Variants in CALCR observed in about 807,000 individuals in gnomAD.
CALCR encodes the protein calcitonin receptor.
In CALCR, 47 loss-of-function variants were observed where a neutral mutation model predicts 59.5. The observed-to-expected ratio is 0.79, with a 90% CI of 0.63 to 1.01. CALCR has a LOEUF of 1.01. CALCR is among the 50% of genes least tolerant of loss of function. CALCR has a pLI of 0.00. For missense variants in CALCR, 566 were observed against 597.1 expected, an observed-to-expected ratio of 0.95 and a Z score of 0.54; for synonymous variants, 213 against 211.3, an observed-to-expected ratio of 1.01 and a Z score of -0.07.
chr7:93,564,922 A>G (rs1789828814), intron 2 of CALCR, among the ~76,000 whole-genome samples: 3 of 152,184 alleles, frequency 2.0e-5, no homozygotes, highest in Admixed American at 6.5e-5. Flanking sequence ...GCTTTTCCTT[A>G]GGAAGGCTGG....
intron 2 of CALCR, among the ~76,000 whole-genome samples, chr7:93,490,023 A>G (rs1801039144): frequency 6.6e-6 from 1 of 152,046 alleles, no homozygotes; most frequent in Non-Finnish European, 1.5e-5. Context: ...AAATACTGGC[A>G]AACTGAATCC....
chr7:93,489,436 G>C (rs1801023953), intron 2 of CALCR, among the ~76,000 whole-genome samples: 1 of 151,286 alleles, frequency 6.6e-6, no homozygotes, highest in Non-Finnish European at 1.5e-5. Flanking sequence ...GAAGGACATA[G>C]AAACCCAAAA....
intron 2 of CALCR, among the ~76,000 whole-genome samples, chr7:93,523,996 G>T (rs1300406102): frequency 1.3e-5 from 2 of 151,708 alleles, no homozygotes; most frequent in African/African-American, 4.8e-5. Flanking sequence ...CTAAGACTCT[G>T]ACTATAACAC....
At chr7:93,504,773 T>C (rs756455925) in intron 2 of CALCR, among the ~76,000 whole-genome samples, 12 of 152,154 alleles carry the variant, frequency 7.9e-5, no homozygotes, top group Non-Finnish European at 1.5e-4. Flanking sequence ...CCAGTTAATC[T>C]TTTCTGGTAT....
rs1444296106 is a variant in CALCR, at chr7:93,436,179, A to G, written c.931-9T>C. 3 of 1,607,502 alleles carry G rather than the reference A, an allele frequency of 1.9e-6. No homozygotes were observed. The highest frequency in any genetic ancestry group is 1.1e-5 in the South Asian group (1 of 90,932). On this transcript the variant is annotated splice_polypyrimidine_tract_variant and intron_variant, in intron 11 of 13. Coordinates refer to ENST00000426151, the MANE Select transcript of CALCR (RefSeq NM_001742.4). Reference sequence around the variant, plus strand: ...AAAAAGAAGAAATTGACCTGCAAATATACGGTGTTATGAGCAAATCATACA... The same window carrying G: ...AAAAAGAAGAAATTGACCTGCAAATGTACGGTGTTATGAGCAAATCATACA...
chr7:93,535,992 T>C (rs1374617545), intron 2 of CALCR, among the ~76,000 whole-genome samples: 3 of 151,882 alleles, frequency 2.0e-5, no homozygotes, highest in Non-Finnish European at 4.4e-5. Context: ...CTGTATCACA[T>C]TGAATAACTT....
chr7:93,468,750 G>C lies in CALCR; in HGVS notation c.486C>G (p.Thr162=). ...CGAAAATCCCCAGGGAAATCACTAG[G>C]GTGAAAATTGACAAAGAATGACCCA... ...AIVGHSLSIF[T]LVISLGIFVF... Residue 162 remains threonine (T), a synonymous_variant, in exon 7 of 14, where the codon ACC becomes ACG. Transcript: ENST00000426151. The C allele has an allele frequency of 1.2e-6, 2 of 1,610,262 alleles. No homozygotes were observed. The highest frequency in any genetic ancestry group is 1.7e-6 in the Non-Finnish European group (2 of 1,177,796).
intron 8 of CALCR, among the ~76,000 whole-genome samples, chr7:93,449,674 A>T (rs1449579963): frequency 1.3e-5 from 2 of 152,086 alleles, no homozygotes; most frequent in Non-Finnish European, 2.9e-5. Context: ...GTATCCAAAC[A>T]AGAGCTGCTT....
intron 2 of CALCR, among the ~76,000 whole-genome samples, chr7:93,512,440 A>G (rs1801565821): frequency 6.6e-6 from 1 of 152,046 alleles, no homozygotes; most frequent in African/African-American, 2.4e-5. Flanking sequence ...GTGCCTCAGG[A>G]TGGTTTCTTC....
At position 93,492,187 on chromosome 7, in the gene CALCR, T is replaced by G. The variant is rs532104129; in HGVS notation, c.-26-5180A>C. ...ACATGTTCTCACTCATAAGTGGGAG[T>G]TGAACAATGAGAACACATGAACACA... On this transcript the variant is annotated intron_variant, in intron 2 of 13. Coordinates refer to ENST00000426151, the MANE Select transcript of CALCR (RefSeq NM_001742.4). Among the ~76,000 whole-genome samples, 69 of 150,844 alleles carry G rather than the reference T, an allele frequency of 4.6e-4. 1 individual carries two copies. Among genetic ancestry groups the G allele is most frequent in the African/African-American group, 1.6e-3 (64 of 41,102 alleles).
intron 2 of CALCR, among the ~76,000 whole-genome samples, chr7:93,512,681 A>G (rs956590453): frequency 1.3e-5 from 2 of 152,000 alleles, no homozygotes; most frequent in Non-Finnish European, 2.9e-5. Context: ...TATGGCTTGT[A>G]CAGACAATCT....
intron 2 of CALCR, among the ~76,000 whole-genome samples, chr7:93,518,811 CTG>C (rs1801698583): frequency 6.6e-6 from 1 of 151,834 alleles, no homozygotes; most frequent in Admixed American, 6.6e-5. Context: ...TAAAAATAAA[CTG>C]TACATTAATA....
intron 2 of CALCR, among the ~76,000 whole-genome samples, chr7:93,537,573 T>C (rs570455739): frequency 7.9e-5 from 12 of 151,960 alleles, no homozygotes; most frequent in Non-Finnish European, 1.5e-4. Flanking sequence ...ATTAGCTTCT[T>C]ATTTAATCAG....
rs1190833537 is a variant in CALCR at position 93,574,508 on chromosome 7, T to TA, written c.-244-3dup. ...CCAGACGCTGGTGGGCTGGCTTTCC[T>TA]AGTTTGATGCGAGAGCAAACTGCGT... On this transcript the variant is annotated splice_polypyrimidine_tract_variant and splice_region_variant and intron_variant, in intron 1 of 13. Transcript: ENST00000426151. The TA allele has an allele frequency of 6.6e-6, 1 of 152,228 alleles. No homozygotes were observed. Among genetic ancestry groups the TA allele is most frequent in the Non-Finnish European group, 1.5e-5 (1 of 68,088 alleles). 9.4% of individuals were successfully genotyped at this position (152,228 alleles called of 1,614,324 possible).
intron 2 of CALCR, among the ~76,000 whole-genome samples, chr7:93,523,794 C>A (rs1205081478): frequency 6.6e-6 from 1 of 151,932 alleles, no homozygotes; most frequent in Non-Finnish European, 1.5e-5. Flanking sequence ...AAAGAAGTTT[C>A]TAATATTTTT....
intron 6 of CALCR, among the ~76,000 whole-genome samples, chr7:93,471,523 C>T (rs1190853840): frequency 2.6e-5 from 4 of 151,858 alleles, no homozygotes; most frequent in Admixed American, 6.6e-5. Context: ...AGCATCTCAA[C>T]AGCAAACAAA....
intron 8 of CALCR, among the ~76,000 whole-genome samples, chr7:93,456,672 TTTA>T (rs1404585777): frequency 1.3e-5 from 2 of 152,154 alleles, no homozygotes; most frequent in Non-Finnish European, 2.9e-5. Flanking sequence ...TTTAAAATGT[TTTA>T]TTGTTTTTCC....
chr7:93,436,737 G>A (rs765944353), intron 11 of CALCR, among the ~76,000 whole-genome samples: 6 of 151,970 alleles, frequency 3.9e-5, no homozygotes, highest in Non-Finnish European at 8.8e-5. Flanking sequence ...TCTTTTTGGG[G>A]GGCCTCTATT....
At chr7:93,487,710 T>A (rs545320245) in intron 2 of CALCR, among the ~76,000 whole-genome samples, 52 of 151,594 alleles carry the variant, frequency 3.4e-4, no homozygotes, top group African/African-American at 1.3e-3. Flanking sequence ...AAAATACATA[T>A]ATTTCTTTTC....
Sources: gnomAD v4.1 joint callset for allele counts (sites outside exome capture counted in the v4.1 genomes callset) on GRCh38, gnomAD v4.1.1 for gene constraint, MANE v1.5 for transcripts, NCBI Gene and HGNC (gene_info 2026-07-23, HGNC 2026-07-21) for gene names.